Variants in KIF13A observed in about 807,000 individuals in gnomAD.
KIF13A encodes kinesin-like protein KIF13A.
Under a neutral mutation model 212.2 loss-of-function variants are expected in KIF13A, and 79 were observed. The ratio of observed to expected loss-of-function variants is 0.37; its 90% confidence interval spans 0.31 to 0.45. The LOEUF (loss-of-function observed/expected upper bound fraction) is 0.45, where lower values mean the gene tolerates loss of function less well. KIF13A is among the 20% of genes least tolerant of loss of function. The pLI is 1.00. For synonymous variants in KIF13A, 789 were observed against 808.6 expected, an observed-to-expected ratio of 0.98 and a Z score of 0.41; for missense variants, 1,901 against 2,209.0, an observed-to-expected ratio of 0.86 and a Z score of 2.79.
chr6:17,963,868 T>C lies in KIF13A; in HGVS notation c.146+23186A>G, dbSNP rs1202641924. Among the ~76,000 whole-genome samples the C allele has an allele frequency of 1.3e-5, 2 of 152,188 alleles. No homozygotes were observed. Among genetic ancestry groups the C allele is most frequent in the Non-Finnish European group, 2.9e-5 (2 of 68,036 alleles). ...CCATGCCTGGCCAATATGTTCTATATCTTAATGGTGATAGTGGTTAATCAG... is the reference window on the plus strand; with the variant it reads ...CCATGCCTGGCCAATATGTTCTATACCTTAATGGTGATAGTGGTTAATCAG... On this transcript the variant is annotated intron_variant, in intron 2 of 38. Transcript: ENST00000259711. This position sits in a 1 kb window ranked among gnomAD's most constrained non-coding sequence, Gnocchi z 4.1.
intron 2 of KIF13A, among the ~76,000 whole-genome samples, chr6:17,905,987 A>G (rs1264968223): frequency 6.6e-6 from 1 of 152,236 alleles, no homozygotes; most frequent in Non-Finnish European, 1.5e-5. Context: ...AAAACATACA[A>G]CAAATGCTTC....
chr6:17,800,603 A>T (rs1159998184), intron 20 of KIF13A, among the ~76,000 whole-genome samples: 5 of 137,814 alleles, frequency 3.6e-5, no homozygotes, highest in Admixed American at 7.4e-5. Context: ...CGCCCAGCTA[A>T]TTTTTTTTTT....
intron 9 of KIF13A, among the ~76,000 whole-genome samples, chr6:17,844,324 G>A (rs1301354344): frequency 3.3e-5 from 5 of 152,234 alleles, no homozygotes; most frequent in Middle Eastern, 3.4e-3. Flanking sequence ...TTCATCAACC[G>A]TTGTGGTAGA....
intron 4 of KIF13A, among the ~76,000 whole-genome samples, chr6:17,866,076 T>C (rs1209449469): frequency 6.6e-6 from 1 of 152,180 alleles, no homozygotes; most frequent in Non-Finnish European, 1.5e-5. Context: ...TTACAGAGAA[T>C]GTGTGTTGGA....
rs867622242 is a variant in KIF13A at position 17,764,282 on chromosome 6, C to G, written c.5246G>C (p.Gly1749Ala). The change falls in exon 39 of 39, where the codon GGT (glycine) becomes GCT (alanine). Residue 1749 changes from glycine (G) to alanine (A), a missense_variant. By Grantham distance (60) the Gly-to-Ala change is moderately conservative. Coordinates refer to ENST00000259711, the MANE Select transcript of KIF13A (RefSeq NM_022113.6). The surrounding 1 kb of genome is among the most constrained non-coding windows in gnomAD (Gnocchi z 5.1). ...CTCTCCAGCAGAAGAATCTGTCAAA[C>G]CATCAAAATCTTTTCCCTCTGACAC... The part of the protein sequence containing the change: ...MGVSEGKDFD[G>A]LTDSSAGELS... 6.2e-7 allele frequency: 1 copy of G among 1,613,994 alleles called. No homozygotes were observed. The highest frequency in any genetic ancestry group is 1.3e-5 in the African/African-American group (1 of 75,046).
rs1397532719 is a variant in KIF13A at position 17,838,220 on chromosome 6, C to T, written c.831-637G>A. On this transcript the variant is annotated intron_variant, in intron 9 of 38. Coordinates refer to ENST00000259711, the MANE Select transcript of KIF13A (RefSeq NM_022113.6). The surrounding 1 kb of genome is among the most constrained non-coding windows in gnomAD (Gnocchi z 4.2). Reference sequence around the variant, plus strand: ...CCTATAGTCCCAGCTACTCGGGAGGCTGAGGCAGGAAAATTGCTTGAACCC... The same window carrying T: ...CCTATAGTCCCAGCTACTCGGGAGGTTGAGGCAGGAAAATTGCTTGAACCC... Among the ~76,000 whole-genome samples the T allele has an allele frequency of 6.6e-6, 1 of 151,566 alleles. No individual in the cohort carries two copies. Among genetic ancestry groups the T allele is most frequent in the East Asian group, 1.9e-4 (1 of 5,142 alleles).
At chr6:17,893,550 C>G (rs1186787425) in intron 3 of KIF13A, among the ~76,000 whole-genome samples, 1 of 152,134 alleles carries the variant, frequency 6.6e-6, no homozygotes, top group Non-Finnish European at 1.5e-5. Context: ...TTTGCTACTT[C>G]CTTTCCATCT....
chr6:17,791,763 G>T lies in KIF13A; in HGVS notation c.3223-1853C>A, dbSNP rs113236887. Among the ~76,000 whole-genome samples the T allele has an allele frequency of 2.7e-3, 409 of 151,756 alleles. 2 individuals carry two copies. The highest frequency in any genetic ancestry group is 4.3e-3 in the Non-Finnish European group (294 of 67,964). On this transcript the variant is annotated intron_variant, in intron 25 of 38. Transcript: ENST00000259711. ...AAAAATACAAAAATTAGCTGGGTGT[G>T]GTGGTGCGGGCCTGTAATCCCAGCT... is the stretch of plus-strand genomic sequence containing the variant.
chr6:17,761,007 G>C (rs965352312), downstream of KIF13A: 3 of 839,680 alleles, frequency 3.6e-6, no homozygotes, highest in African/African-American at 1.7e-5. Flanking sequence ...CCACAGGATT[G>C]GTTTTATTAT....
intron 2 of KIF13A, among the ~76,000 whole-genome samples, chr6:17,940,184 T>C (rs1776837223): frequency 6.6e-6 from 1 of 151,238 alleles, no homozygotes; most frequent in Admixed American, 6.6e-5. Context: ...TCCTCCTCCT[T>C]TTTCCTCCTC....
At position 17,897,578 on chromosome 6, in the gene KIF13A, C is replaced by T. The variant is rs2150481321; in HGVS notation, c.159+590G>A. On this transcript the variant is annotated intron_variant, in intron 3 of 38. Transcript: ENST00000259711. This position sits in a 1 kb window ranked among gnomAD's most constrained non-coding sequence, Gnocchi z 4.8. ...AAATGCCATCAAAGGTTGGCCAGAGCAGGTGGGGAAAAAACTAACTAGTGG... is the reference window on the plus strand; with the variant it reads ...AAATGCCATCAAAGGTTGGCCAGAGTAGGTGGGGAAAAAACTAACTAGTGG... 6.6e-6 allele frequency among the ~76,000 whole-genome samples: 1 copy of T among 152,322 alleles called. No homozygotes were observed. Among genetic ancestry groups the T allele is most frequent in the African/African-American group, 2.4e-5 (1 of 41,580 alleles).
chr6:17,787,943 TA>T lies in KIF13A; in HGVS notation c.3262-69del. 1 of 907,602 alleles carries T rather than the reference TA, an allele frequency of 1.1e-6. No individual in the cohort carries two copies. The highest frequency in any genetic ancestry group is 1.8e-6 in the Non-Finnish European group (1 of 560,650). The allele number at this position is 907,602 out of a possible 1,614,324, so 56.2% of individuals were successfully genotyped here. A position where few individuals can be genotyped will look rare whatever the true frequency, so the allele number is the denominator to read the frequency against. ...ACAACGATTTCTTTCTTTCTTTTTT[TA>T]AAAGATGTTTAAATCAACTAGGAAA... On this transcript the variant is annotated intron_variant, in intron 26 of 38. Transcript: ENST00000259711. The surrounding 1 kb of genome is among the most constrained non-coding windows in gnomAD (Gnocchi z 4.6).
rs773798830 is a variant in KIF13A at position 17,850,452 on chromosome 6, A to G, written c.588T>C (p.Ile196=). 1 of 1,612,564 alleles carries G rather than the reference A, an allele frequency of 6.2e-7. No individual in the cohort carries two copies. Among genetic ancestry groups the G allele is most frequent in the South Asian group, 1.1e-5 (1 of 90,844 alleles). ...SQLAVTSFED[I]ESLMSEGNKS... is the part of the protein sequence containing the mutation. ...TATTTCCCTCAGACATCAATGACTCAATATCCTAGGGGCAAAGCATAAGGA... is the reference window on the plus strand; with the variant it reads ...TATTTCCCTCAGACATCAATGACTCGATATCCTAGGGGCAAAGCATAAGGA... The change falls in exon 8 of 39, where the codon ATT becomes ATC. Residue 196 remains isoleucine (I), a synonymous_variant. Transcript: ENST00000259711. The surrounding 1 kb of genome is among the most constrained non-coding windows in gnomAD (Gnocchi z 6.2).
In KIF13A at chr6:17,968,079, T is replaced by C. The variant is rs1305210447; in HGVS notation, c.146+18975A>G. On this transcript the variant is annotated intron_variant, in intron 2 of 38. Transcript: ENST00000259711. The surrounding 1 kb of genome is among the most constrained non-coding windows in gnomAD (Gnocchi z 4.7). ...CCTGGGGGACTGACAAACGTAGGCATATTATTTGACATGTGTGCTGCAGTG... is the reference window on the plus strand; with the variant it reads ...CCTGGGGGACTGACAAACGTAGGCACATTATTTGACATGTGTGCTGCAGTG... Among the ~76,000 whole-genome samples, 1 of 152,066 alleles carries C rather than the reference T, an allele frequency of 6.6e-6. No individual in the cohort carries two copies. Among genetic ancestry groups the C allele is most frequent in the Non-Finnish European group, 1.5e-5 (1 of 68,026 alleles).
In KIF13A at chr6:17,811,570, C is replaced by G. The variant is rs1355104343; in HGVS notation, c.2001-2640G>C. Among the ~76,000 whole-genome samples, 1 of 152,126 alleles carries G rather than the reference C, an allele frequency of 6.6e-6. No individual in the cohort carries two copies. The highest frequency in any genetic ancestry group is 1.9e-4 in the East Asian group (1 of 5,198). On this transcript the variant is annotated intron_variant, in intron 17 of 38. Transcript: ENST00000259711. This position sits in a 1 kb window ranked among gnomAD's most constrained non-coding sequence, Gnocchi z 6.0. ...GACATCTGTGGCTTTCTTTGTAATTCTCACCAGCGTTTAAATTTACTTGAT... is the reference window on the plus strand; with the variant it reads ...GACATCTGTGGCTTTCTTTGTAATTGTCACCAGCGTTTAAATTTACTTGAT...
chr6:17,855,316 G>T lies in KIF13A; in HGVS notation c.494+121C>A. 1.4e-6 allele frequency: 1 copy of T among 717,268 alleles called. No homozygotes were observed. The highest frequency in any genetic ancestry group is 2.2e-6 in the Non-Finnish European group (1 of 448,680). The allele number at this position is 717,268 out of a possible 1,614,324, so 44.4% of individuals were successfully genotyped here. The stretch of plus-strand genomic sequence containing the variant: ...AGAAGCTGATGATTTTTCTGTAAAT[G>T]AATGAAAACCAGTGTAGTCACCAAG... On this transcript the variant is annotated intron_variant, in intron 6 of 38. Transcript: ENST00000259711. The surrounding 1 kb of genome is among the most constrained non-coding windows in gnomAD (Gnocchi z 4.1).
chr6:17,921,724 A>G (rs545599130), intron 2 of KIF13A, among the ~76,000 whole-genome samples: 2 of 152,310 alleles, frequency 1.3e-5, no homozygotes, highest in South Asian at 4.1e-4. Flanking sequence ...AAGAGTGGGA[A>G]GAACAAAAAC....
Position 17,794,843 on chromosome 6 carries a change from T to G in KIF13A, c.2943-139A>C. ...ATCTTGTATAAGTTACTTCCTTATT[T>G]AACTCTCAAAACCAACCTGTCATAT... On this transcript the variant is annotated intron_variant, in intron 23 of 38. Coordinates refer to ENST00000259711, the MANE Select transcript of KIF13A (RefSeq NM_022113.6). The surrounding 1 kb of genome is among the most constrained non-coding windows in gnomAD (Gnocchi z 4.1). The G allele has an allele frequency of 1.1e-6, 1 of 880,056 alleles. No individual in the cohort carries two copies. Among genetic ancestry groups the G allele is most frequent in the Non-Finnish European group, 1.7e-6 (1 of 597,960 alleles). The allele number at this position is 880,056 out of a possible 1,614,324, so 54.5% of individuals were successfully genotyped here. A position where few individuals can be genotyped will look rare whatever the true frequency, so the allele number is the denominator to read the frequency against.
At chr6:17,762,275 C>T (rs1184569955), downstream of KIF13A, among the ~76,000 whole-genome samples, 3 of 148,886 alleles carry the variant, frequency 2.0e-5, no homozygotes, top group African/African-American at 7.4e-5. Context: ...TGCAGTGGTG[C>T]GATCTTGGCT....
Sources: allele counts gnomAD v4.1 joint callset (sites outside exome capture counted in the v4.1 genomes callset), GRCh38; gene constraint gnomAD v4.1.1; non-coding constraint Gnocchi (gnomAD v3.1); transcripts MANE v1.5; gene names NCBI Gene and HGNC (gene_info 2026-07-23, HGNC 2026-07-21).